The following DLC1 variants were observed in gnomAD, a reference collection of about 807,000 sequenced individuals.
The protein encoded by DLC1 is rho GTPase-activating protein 7.
DLC1 carries 54 observed loss-of-function variants against 140.3 expected under a neutral mutation model. The ratio of observed to expected loss-of-function variants is 0.38; its 90% CI spans 0.31 to 0.48. DLC1 has a LOEUF of 0.48. Ranked by LOEUF, DLC1 falls within the 20% of genes least tolerant of loss-of-function variation. The pLI is 0.96. For synonymous variants in DLC1, 986 were observed against 728.1 expected (o/e 1.35, Z -5.70); for missense variants, 2,536 against 1,907.0 (o/e 1.33, Z -6.14).
intron 5 of DLC1, among the ~76,000 whole-genome samples, chr8:13,143,150 C>T (rs1430970006): frequency 1.3e-5 from 2 of 151,894 alleles, no homozygotes; most frequent in East Asian, 1.9e-4. Flanking sequence ...ATATCTGTAT[C>T]CATCAGTTAG....
intron 5 of DLC1, among the ~76,000 whole-genome samples, chr8:13,127,843 G>T (rs1243296286): frequency 6.6e-6 from 1 of 152,236 alleles, no homozygotes; most frequent in Non-Finnish European, 1.5e-5. Context: ...ACACTCAAAG[G>T]TGGGGCAGGG....
rs536852205 is a variant in DLC1 at position 13,550,077 on chromosome 8, G to C, written c.-125-49881C>G. ...AGGCAACTATCCTTACAATAGGCTA[G>C]AGAGACATTGATATGGTTTGGCTCT... On this transcript the variant is annotated intron_variant, in intron 1 of 1. Transcript: ENST00000631382. 1.9e-4 allele frequency among the ~76,000 whole-genome samples: 29 copies of C among 152,206 alleles called. No homozygotes were observed. The South Asian group carries it at 5.4e-3, about 28-fold the overall frequency.
chr8:13,523,257 G>C (rs947355468), intron 1 of DLC1, among the ~76,000 whole-genome samples: 1 of 152,168 alleles, frequency 6.6e-6, no homozygotes, highest in African/African-American at 2.4e-5. Flanking sequence ...ATTTGAAGCT[G>C]TTGTTGTGGT....
chr8:13,556,643 G>T (rs558061949), intron 1 of DLC1, among the ~76,000 whole-genome samples: 1 of 152,094 alleles, frequency 6.6e-6, no homozygotes, highest in Non-Finnish European at 1.5e-5. Context: ...CCAAGTAGTA[G>T]GGCCTGATAC....
chr8:13,568,922 C>A (rs1272669535), intron 1 of DLC1, among the ~76,000 whole-genome samples: 2 of 152,096 alleles, frequency 1.3e-5, no homozygotes, highest in African/African-American at 4.8e-5. Context: ...TAGGGTACTC[C>A]TTGAAATATT....
At chr8:13,342,833 T>C (rs1422997924) in intron 4 of DLC1, 4 of 67,902 alleles carry the variant, frequency 5.9e-5, no homozygotes, top group African/African-American at 1.7e-4. Context: ...CCATCAGTTG[T>C]GCTTCTCTCT....
intron 5 of DLC1, among the ~76,000 whole-genome samples, chr8:13,241,682 G>T (rs1287161284): frequency 2.0e-5 from 3 of 152,176 alleles, no homozygotes; most frequent in African/African-American, 7.2e-5. Flanking sequence ...CAGGGACAAA[G>T]GATGCCGGTT....
intron 5 of DLC1, among the ~76,000 whole-genome samples, chr8:13,230,529 C>T (rs912155962): frequency 6.6e-6 from 1 of 151,940 alleles, no homozygotes; most frequent in Non-Finnish European, 1.5e-5. Flanking sequence ...AGAGAGGCTG[C>T]CTAAATGGAG....
chr8:13,109,441 C>G (rs886771569), intron 7 of DLC1, among the ~76,000 whole-genome samples: 6 of 152,026 alleles, frequency 3.9e-5, no homozygotes. Context: ...CCTGCAGTCC[C>G]AGCTACTCCA....
rs1064795745 is a variant in DLC1 at position 13,086,342 on chromosome 8, G to T, written c.4414C>A (p.Pro1472Thr). 4 of 1,614,232 alleles carry T rather than the reference G, an allele frequency of 2.5e-6. No individual in the cohort carries two copies. Among genetic ancestry groups the T allele is most frequent in the Non-Finnish European group, 3.4e-6 (4 of 1,180,040 alleles). ...AGTTTGGATTTTCCTGGCCCACAGGGTTCAATCAAATACCTGGACAAGAGC... is the reference window on the plus strand; with the variant it reads ...AGTTTGGATTTTCCTGGCCCACAGGTTTCAATCAAATACCTGGACAAGAGC... ...NVLLSRYLIE[P>T]CGPGKSKLTY... Residue 1472 changes from proline to threonine, a missense_variant, in exon 17 of 18, where the codon CCC becomes ACC. Pro to Thr is a conservative substitution (Grantham distance 38). Coordinates refer to ENST00000276297, the MANE Select transcript of DLC1 (RefSeq NM_182643.3).
At chr8:13,245,529 T>A (rs1014321328) in intron 5 of DLC1, among the ~76,000 whole-genome samples, 1 of 152,196 alleles carries the variant, frequency 6.6e-6, no homozygotes, top group South Asian at 2.1e-4. Context: ...CACCCTCTCA[T>A]TCTTCCTTGT....
chr8:13,146,758 G>C (rs1379625482), intron 5 of DLC1, among the ~76,000 whole-genome samples: 1 of 152,092 alleles, frequency 6.6e-6, no homozygotes, highest in East Asian at 1.9e-4. Flanking sequence ...TTATGGCAAG[G>C]TTTATAATAT....
chr8:13,367,991 A>G (rs1178194277), intron 4 of DLC1, among the ~76,000 whole-genome samples: 4 of 152,298 alleles, frequency 2.6e-5, no homozygotes, highest in East Asian at 3.9e-4. Flanking sequence ...AAGAGTGTCT[A>G]TACCTCTGGA....
chr8:13,506,581 G>GTGTGTGTAAATATATATATATA (rs1246764417), intron 1 of DLC1, among the ~76,000 whole-genome samples: 1 of 131,142 alleles, frequency 7.6e-6, no homozygotes, highest in African/African-American at 3.2e-5. Flanking sequence ...GTGTGTGTGT[G>GTGTGTGTAAATATATATATATA]TATATATATA....
intron 6 of DLC1, among the ~76,000 whole-genome samples, chr8:13,114,152 G>A (rs1468967445): frequency 2.0e-5 from 3 of 152,144 alleles, no homozygotes; most frequent in Non-Finnish European, 2.9e-5. Flanking sequence ...ACCTGAGGTC[G>A]GGAGTTCACG....
intron 15 of DLC1, 77 bp downstream of exon 15, chr8:13,090,175 G>T: frequency 2.1e-6 from 3 of 1,404,276 alleles, no homozygotes; most frequent in Non-Finnish European, 2.0e-6. Context: ...AGATTAGTTG[G>T]CAAAAGCGTG....
chr8:13,292,934 A>T (rs2117469026), intron 5 of DLC1, among the ~76,000 whole-genome samples: 1 of 152,334 alleles, frequency 6.6e-6, no homozygotes, highest in South Asian at 2.1e-4. Context: ...TTAAAAACCA[A>T]ATTGCAGGCC....
chr8:13,466,444 C>T (rs80342752), intron 2 of DLC1, among the ~76,000 whole-genome samples: 1 of 152,222 alleles, frequency 6.6e-6, no homozygotes, highest in African/African-American at 2.4e-5. Flanking sequence ...AGCTCTCCTA[C>T]AGAGTCGCTA....
intron 1 of DLC1, among the ~76,000 whole-genome samples, chr8:13,574,664 A>G (rs1804775121): frequency 6.6e-6 from 1 of 152,190 alleles, no homozygotes; most frequent in South Asian, 2.1e-4. Context: ...TAGGTTTATC[A>G]TCAAATAGAC....
Sources: gnomAD v4.1 joint callset for allele counts (sites outside exome capture counted in the v4.1 genomes callset) on GRCh38, gnomAD v4.1.1 for gene constraint, MANE v1.5 for transcripts, NCBI Gene and HGNC (gene_info 2026-07-23, HGNC 2026-07-21) for gene names.